The following GOLM2 variants were observed in gnomAD, a reference collection of about 807,000 sequenced individuals.
GOLM2 encodes the protein protein GOLM2.
GOLM2 carries 26 observed loss-of-function variants against 55.9 expected under a neutral mutation model. That is an observed-to-expected ratio of 0.47 (90% confidence interval 0.34 to 0.65). The LOEUF (loss-of-function observed/expected upper bound fraction) is 0.65. Among genes scored for constraint, GOLM2 ranks in the 30% least tolerant of loss-of-function variants. The pLI is 0.01. For synonymous variants in GOLM2, 165 were observed against 194.6 expected (o/e 0.85, Z 1.27); for missense variants, 486 against 531.8 (o/e 0.91, Z 0.85).
intron 4 of GOLM2, among the ~76,000 whole-genome samples, chr15:44,333,881 A>G (rs2141142896): frequency 6.6e-6 from 1 of 151,956 alleles, no homozygotes; most frequent in East Asian, 1.9e-4. Context: ...ACGCCCAGCT[A>G]ATTTTTTGTA....
At chr15:44,366,021 A>T (rs533079786) in intron 6 of GOLM2, among the ~76,000 whole-genome samples, 318 of 152,182 alleles carry the variant, frequency 2.1e-3, no homozygotes, top group Non-Finnish European at 3.7e-3. Context: ...GTCTTGGCCG[A>T]GCGCGGTGGC....
At chr15:44,388,396 C>T (rs2079463188) in intron 8 of GOLM2, among the ~76,000 whole-genome samples, 1 of 152,050 alleles carries the variant, frequency 6.6e-6, no homozygotes. Context: ...AGACAGGTGG[C>T]CTGGCACAGT....
At chr15:44,389,730 G>A (rs1396144818) in intron 8 of GOLM2, among the ~76,000 whole-genome samples, 2 of 152,148 alleles carry the variant, frequency 1.3e-5, no homozygotes, top group African/African-American at 4.8e-5. Context: ...CACCCAGGTT[G>A]TACTGCATTA....
chr15:44,304,804 C>G (rs2141113823), intron 1 of GOLM2, among the ~76,000 whole-genome samples: 1 of 152,172 alleles, frequency 6.6e-6, no homozygotes, highest in Middle Eastern at 3.4e-3. Flanking sequence ...ATCCTCCTGC[C>G]CTGGCTTCCC....
chr15:44,330,115 T>C (rs1439611671), intron 3 of GOLM2, among the ~76,000 whole-genome samples: 1 of 148,804 alleles, frequency 6.7e-6, no homozygotes, highest in Non-Finnish European at 1.5e-5. Context: ...TTTCACCGTA[T>C]TAGCCAGGAT....
chr15:44,400,906 T>G (rs757977013), intron 8 of GOLM2, among the ~76,000 whole-genome samples: 2 of 152,012 alleles, frequency 1.3e-5, no homozygotes, highest in African/African-American at 2.4e-5. Flanking sequence ...CCTCTGTAAG[T>G]GCAATTTGTT....
intron 8 of GOLM2, chr15:44,390,417 T>C (rs2079479444): frequency 1.3e-5 from 2 of 152,198 alleles, no homozygotes; most frequent in African/African-American, 2.4e-5. Flanking sequence ...TAGGGAGTGA[T>C]TGTTGATCAA....
chr15:44,339,182 A>G (rs180808176), intron 6 of GOLM2, among the ~76,000 whole-genome samples: 111 of 152,192 alleles, frequency 7.3e-4, no homozygotes, highest in Admixed American at 3.1e-3. Context: ...ATATAGTTTT[A>G]TTGTCTTCTC....
In GOLM2 at chr15:44,337,120, C is replaced by G. The variant is rs138990912; in HGVS notation, c.577-643C>G. 4.2e-3 allele frequency among the ~76,000 whole-genome samples: 639 copies of G among 152,060 alleles called. 8 individuals carry two copies. The highest frequency in any genetic ancestry group is 0.014 in the African/African-American group (594 of 41,470). On this transcript the variant is annotated intron_variant, in intron 4 of 9. Coordinates refer to ENST00000299957, the MANE Select transcript of GOLM2 (RefSeq NM_138423.4). ...TTGTGTACTTGAATCCTTGCTGCTCCCAATTTTCCATGGAGGCAAACTTAA... is the reference window on the plus strand; with the variant it reads ...TTGTGTACTTGAATCCTTGCTGCTCGCAATTTTCCATGGAGGCAAACTTAA...
intron 6 of GOLM2, among the ~76,000 whole-genome samples, chr15:44,378,011 G>GTA (rs911365084): frequency 5.7e-4 from 85 of 149,098 alleles, no homozygotes; most frequent in Non-Finnish European, 8.5e-4. Flanking sequence ...TTATTAAGAA[G>GTA]TATATATATA....
chr15:44,375,052 C>G (rs549978799), intron 6 of GOLM2, among the ~76,000 whole-genome samples: 1 of 152,104 alleles, frequency 6.6e-6, no homozygotes. Flanking sequence ...GAGTCTCCCT[C>G]CATTGCCCAG....
At chr15:44,325,030 CTTTA>C (rs1472319289) in intron 2 of GOLM2, among the ~76,000 whole-genome samples, 1 of 151,946 alleles carries the variant, frequency 6.6e-6, no homozygotes, top group African/African-American at 2.4e-5. Flanking sequence ...TTTTTTTAAC[CTTTA>C]TTTAAGTTCA....
rs866958030 is a variant in GOLM2, at chr15:44,410,210, G to A, written c.1241-3126G>A. Among the ~76,000 whole-genome samples the A allele has an allele frequency of 2.6e-5, 4 of 152,144 alleles. No individual in the cohort carries two copies. The East Asian group carries it at 7.8e-4, about 30-fold the overall frequency. Reference sequence around the variant, plus strand: ...TCCCAGCACTTTGGGAGGCCGAGGCGGGCGGATTACGAGGTCAGAAGTTCG... The same window carrying A: ...TCCCAGCACTTTGGGAGGCCGAGGCAGGCGGATTACGAGGTCAGAAGTTCG... On this transcript the variant is annotated intron_variant, in intron 9 of 9. Transcript: ENST00000299957.
chr15:44,355,687 G>C, intron 6 of GOLM2: 1 of 209,094 alleles, frequency 4.8e-6, no homozygotes, highest in Non-Finnish European at 9.9e-6. Context: ...GGCCTCCAAG[G>C]AATAACAGCC....
At chr15:44,324,793 T>C (rs1039599835) in intron 2 of GOLM2, among the ~76,000 whole-genome samples, 4 of 152,140 alleles carry the variant, frequency 2.6e-5, no homozygotes, top group Admixed American at 2.6e-4. Context: ...AACCCATTTC[T>C]TACCTATCCC....
intron 1 of GOLM2, among the ~76,000 whole-genome samples, chr15:44,303,253 C>T (rs571518549): frequency 3.3e-5 from 5 of 152,004 alleles, no homozygotes; most frequent in Non-Finnish European, 5.9e-5. Context: ...CTTGAACCAA[C>T]GGGTGCATAA....
Position 44,322,203 on chromosome 15 carries a change from A to G in GOLM2, c.328-762A>G, listed in dbSNP as rs531570804. 2.6e-5 allele frequency among the ~76,000 whole-genome samples: 4 copies of G among 152,296 alleles called. No homozygotes were observed. The South Asian group carries it at 8.3e-4, about 32-fold the overall frequency. ...GCCAACATGGTAAAACCCCATCTCTACTAAAAATACAAAGATTAGCTGGGT... is the reference window on the plus strand; with the variant it reads ...GCCAACATGGTAAAACCCCATCTCTGCTAAAAATACAAAGATTAGCTGGGT... On this transcript the variant is annotated intron_variant, in intron 1 of 9. Transcript: ENST00000299957.
intron 1 of GOLM2, among the ~76,000 whole-genome samples, chr15:44,315,514 A>G (rs889974364): frequency 6.6e-6 from 1 of 152,230 alleles, no homozygotes; most frequent in East Asian, 1.9e-4. Context: ...GAGCTGGTAG[A>G]AAAATAAAAA....
chr15:44,366,311 A>C (rs368238800), intron 6 of GOLM2, among the ~76,000 whole-genome samples: 2 of 144,526 alleles, frequency 1.4e-5, no homozygotes, highest in African/African-American at 5.0e-5. Context: ...AAAAAAAAAA[A>C]AAACAAAACA....
Sources: allele counts gnomAD v4.1 joint callset (sites outside exome capture counted in the v4.1 genomes callset), GRCh38; gene constraint gnomAD v4.1.1; transcripts MANE v1.5; gene names NCBI Gene and HGNC (gene_info 2026-07-23, HGNC 2026-07-21).